Variants in SCN10A observed in about 807,000 individuals in gnomAD.
The protein encoded by SCN10A is sodium voltage-gated channel alpha subunit 10.
In SCN10A, 162 loss-of-function variants were observed where a neutral mutation model predicts 170.7. That is an observed-to-expected ratio of 0.95 (90% CI 0.84 to 1.08). The LOEUF (loss-of-function observed/expected upper bound fraction) is 1.08. SCN10A is among the 50% of genes least tolerant of loss of function. The pLI is 0.00. For synonymous variants in SCN10A, 985 were observed against 904.6 expected (o/e 1.09, Z -1.59); for missense variants, 2,527 against 2,436.9 (o/e 1.04, Z -0.78).
At chr3:38,796,027 C>G (rs774499788) in intron 1 of SCN10A, among the ~76,000 whole-genome samples, 1 of 152,138 alleles carries the variant, frequency 6.6e-6, no homozygotes, top group Non-Finnish European at 1.5e-5. Flanking sequence ...CATTTATATG[C>G]AGATGACTGA....
chr3:38,707,541 G>A (rs1343812085), intron 25 of SCN10A, among the ~76,000 whole-genome samples, 158 bp from the exon 26 acceptor site: 3 of 152,158 alleles, frequency 2.0e-5, no homozygotes, highest in African/African-American at 4.8e-5. Flanking sequence ...CACATCCAGT[G>A]TCGGAACGGT....
intron 1 of SCN10A, among the ~76,000 whole-genome samples, chr3:38,804,682 C>A (rs2064394717): frequency 6.6e-6 from 1 of 152,036 alleles, no homozygotes; most frequent in African/African-American, 2.4e-5. Context: ...AATTGTGAGT[C>A]CAGGGTGGAT....
intron 27 of SCN10A, among the ~76,000 whole-genome samples, chr3:38,700,604 C>T (rs533495341): frequency 2.0e-5 from 3 of 152,004 alleles, no homozygotes; most frequent in East Asian, 1.9e-4. Context: ...GTGGATCATA[C>T]CTCAATAAAG....
At chr3:38,777,158 C>T (rs747164471) in intron 4 of SCN10A, among the ~76,000 whole-genome samples, 2 of 151,810 alleles carry the variant, frequency 1.3e-5, no homozygotes, top group East Asian at 1.9e-4. Context: ...TTGAAGGTCC[C>T]GGCCAATTCA....
At chr3:38,797,301 G>A (rs2064346380) in intron 1 of SCN10A, among the ~76,000 whole-genome samples, 1 of 152,144 alleles carries the variant, frequency 6.6e-6, no homozygotes, top group African/African-American at 2.4e-5. Flanking sequence ...AGGAGGCTCT[G>A]CTGGTTGTCA....
At chr3:38,786,825 T>G (rs1223128913) in intron 4 of SCN10A, among the ~76,000 whole-genome samples, 1 of 152,094 alleles carries the variant, frequency 6.6e-6, no homozygotes, top group East Asian at 1.9e-4. Flanking sequence ...ACATTAGATG[T>G]TTACATATGT....
At chr3:38,716,200 TTA>T (rs762152102) in intron 21 of SCN10A, among the ~76,000 whole-genome samples, 7 of 150,452 alleles carry the variant, frequency 4.7e-5, no homozygotes, top group African/African-American at 9.7e-5. Context: ...TAGTAATCAT[TTA>T]TATATATATA....
At chr3:38,775,611 C>G (rs972828614) in intron 4 of SCN10A, among the ~76,000 whole-genome samples, 1 of 152,104 alleles carries the variant, frequency 6.6e-6, no homozygotes, top group Non-Finnish European at 1.5e-5. Flanking sequence ...TTAAAATTAG[C>G]TTCATGATAA....
chr3:38,721,592 C>G (rs558870171), intron 20 of SCN10A, among the ~76,000 whole-genome samples: 2 of 152,320 alleles, frequency 1.3e-5, no homozygotes, highest in Admixed American at 1.3e-4. Flanking sequence ...CTCTGAATCT[C>G]TATTCCCATA....
At chr3:38,784,762 C>T (rs1156936558) in intron 4 of SCN10A, among the ~76,000 whole-genome samples, 1 of 152,146 alleles carries the variant, frequency 6.6e-6, no homozygotes, top group Non-Finnish European at 1.5e-5. Flanking sequence ...TCTCCTTAAG[C>T]TGATAAGCAA....
chr3:38,751,445 C>T (rs1354082329), intron 12 of SCN10A, among the ~76,000 whole-genome samples: 1 of 152,214 alleles, frequency 6.6e-6, no homozygotes, highest in Non-Finnish European at 1.5e-5. Flanking sequence ...AATCACATGA[C>T]ATTGAGTCAG....
chr3:38,791,147 G>T (rs1243396266), intron 3 of SCN10A, among the ~76,000 whole-genome samples: 1 of 152,146 alleles, frequency 6.6e-6, no homozygotes, highest in African/African-American at 2.4e-5. Flanking sequence ...GTTACCATTT[G>T]TCAGGCAACT....
intron 15 of SCN10A, among the ~76,000 whole-genome samples, chr3:38,735,030 C>T (rs1185460650): frequency 6.6e-6 from 1 of 151,838 alleles, no homozygotes; most frequent in African/African-American, 2.4e-5. Context: ...ATTAGCCAGG[C>T]ATGGTGGTGG....
At chr3:38,789,661 T>C (rs1406656279) in intron 3 of SCN10A, among the ~76,000 whole-genome samples, 1 of 152,030 alleles carries the variant, frequency 6.6e-6, no homozygotes, top group East Asian at 1.9e-4. Context: ...AATGAAATAC[T>C]GGCTCAGGAA....
At chr3:38,742,677 T>C in intron 13 of SCN10A, 148 bp from the exon 14 acceptor site, 1 of 689,712 alleles carries the variant, frequency 1.4e-6, no homozygotes, top group South Asian at 1.7e-5. Flanking sequence ...GGTATTCATT[T>C]CCTATATTTT....
At chr3:38,750,546 A>G (rs1260576350) in intron 12 of SCN10A, among the ~76,000 whole-genome samples, 2 of 152,252 alleles carry the variant, frequency 1.3e-5, no homozygotes, top group Non-Finnish European at 2.9e-5. Context: ...TGATACTAGT[A>G]GTCACTATTT....
At position 38,757,172 on chromosome 3, in the gene SCN10A, C is replaced by T. The variant is rs1225963054; in HGVS notation, c.951-13G>A. On this transcript the variant is annotated splice_polypyrimidine_tract_variant and intron_variant, in intron 8 of 27. Transcript: ENST00000449082. ...ATCAGGGCAGTGGCTGCAGCAAGAA[C>T]AGAGAAGGTCATCCCCTGCTTATTG... is the stretch of plus-strand genomic sequence containing the variant. 6.3e-7 allele frequency: 1 copy of T among 1,582,056 alleles called. No individual in the cohort carries two copies. The highest frequency in any genetic ancestry group is 1.4e-5 in the African/African-American group (1 of 73,820).
At chr3:38,795,850 C>G (rs1350220763) in intron 1 of SCN10A, among the ~76,000 whole-genome samples, 1 of 152,166 alleles carries the variant, frequency 6.6e-6, no homozygotes, top group South Asian at 2.1e-4. Context: ...CATTAACTAT[C>G]ACTGTACCTG....
chr3:38,766,510 T>C (rs1575163248), intron 5 of SCN10A, among the ~76,000 whole-genome samples: 1 of 152,214 alleles, frequency 6.6e-6, no homozygotes. Context: ...TTTTTGTTTT[T>C]AATTCTGTTT....
Sources: allele counts gnomAD v4.1 joint callset (sites outside exome capture counted in the v4.1 genomes callset), GRCh38; gene constraint gnomAD v4.1.1; transcripts MANE v1.5; gene names NCBI Gene and HGNC (gene_info 2026-07-23, HGNC 2026-07-21).